FARS2: variants seen among roughly 807,000 people sequenced by gnomAD.
FARS2 encodes the protein phenylalanine--tRNA ligase, mitochondrial.
A neutral mutation model predicts 46.4 loss-of-function variants in FARS2; 40 were observed. The observed-to-expected ratio is 0.86, with a 90% CI of 0.67 to 1.12. FARS2 has a LOEUF of 1.12. FARS2 is among the 50% of genes most tolerant of loss of function. The probability of loss-of-function intolerance (pLI) is 0.00; values close to 1 mark genes in which losing one functional copy is unlikely to be tolerated. For missense variants in FARS2, 513 were observed against 567.9 expected (o/e 0.90, Z 0.98); for synonymous variants, 234 against 214.9 (o/e 1.09, Z -0.78).
chr6:5,458,915 C>G (rs1048423098), intron 4 of FARS2, among the ~76,000 whole-genome samples: 5 of 152,178 alleles, frequency 3.3e-5, no homozygotes, highest in Non-Finnish European at 7.3e-5. Flanking sequence ...CCATTCTACC[C>G]TGAAGATACA....
chr6:5,536,562 A>G (rs1770213848), intron 4 of FARS2, among the ~76,000 whole-genome samples: 1 of 152,192 alleles, frequency 6.6e-6, no homozygotes, highest in African/African-American at 2.4e-5. Flanking sequence ...TAATCCCTTT[A>G]CATTCTCATT....
intron 4 of FARS2, chr6:5,431,748 A>G (rs1295104689): frequency 3.8e-6 from 2 of 521,016 alleles, no homozygotes; most frequent in Non-Finnish European, 7.9e-6. Flanking sequence ...CATTTCAGAA[A>G]GATCTGTCTG....
chr6:5,330,157 G>A (rs1444163168), intron 1 of FARS2, among the ~76,000 whole-genome samples: 1 of 152,154 alleles, frequency 6.6e-6, no homozygotes, highest in Non-Finnish European at 1.5e-5. Flanking sequence ...AACACAGGCT[G>A]CTCCTATTAT....
At chr6:5,602,418 G>A (rs1774573330) in intron 5 of FARS2, among the ~76,000 whole-genome samples, 1 of 152,114 alleles carries the variant, frequency 6.6e-6, no homozygotes, top group Admixed American at 6.5e-5. Context: ...GGAGGCTGAG[G>A]TGGGTGGATC....
At chr6:5,664,666 C>G (rs996379022) in intron 6 of FARS2, among the ~76,000 whole-genome samples, 1 of 152,204 alleles carries the variant, frequency 6.6e-6, no homozygotes, top group Non-Finnish European at 1.5e-5. Flanking sequence ...GTAGACTGGT[C>G]TGTCTCTCTT....
chr6:5,404,726 G>C lies in FARS2; in HGVS notation c.772+25G>C, dbSNP rs114630373. 1.4e-5 allele frequency: 21 copies of C among 1,491,526 alleles called. No homozygotes were observed. The East Asian group carries it at 5.0e-4, about 35-fold the overall frequency. The allele number at this position is 1,491,526 out of a possible 1,614,324, so 92.4% of individuals were successfully genotyped here. On this transcript the variant is annotated intron_variant, in intron 3 of 6. Transcript: ENST00000274680. Reference sequence around the variant, plus strand: ...GGTAAGTGCTCAAACACAGGTTGACGATCTCTTATCTGAAATACTTGGGAC... The same window carrying C: ...GGTAAGTGCTCAAACACAGGTTGACCATCTCTTATCTGAAATACTTGGGAC...
At chr6:5,354,780 T>C (rs553763318) in intron 1 of FARS2, among the ~76,000 whole-genome samples, 19 of 152,252 alleles carry the variant, frequency 1.2e-4, no homozygotes, top group Admixed American at 6.5e-5. Flanking sequence ...CCCAAAGTGC[T>C]GGGATTACAG....
chr6:5,651,633 A>G (rs537747928), intron 6 of FARS2, among the ~76,000 whole-genome samples: 1 of 152,328 alleles, frequency 6.6e-6, no homozygotes, highest in African/African-American at 2.4e-5. Flanking sequence ...GGACACTTCA[A>G]GAGGATTAAG....
At chr6:5,342,194 C>T (rs1420770140) in intron 1 of FARS2, among the ~76,000 whole-genome samples, 1 of 152,136 alleles carries the variant, frequency 6.6e-6, no homozygotes, top group Admixed American at 6.5e-5. Context: ...AGATAGATAT[C>T]CTCAAACTAC....
chr6:5,579,330 G>A (rs554399571), intron 5 of FARS2, among the ~76,000 whole-genome samples: 5 of 152,016 alleles, frequency 3.3e-5, no homozygotes, highest in African/African-American at 1.2e-4. Flanking sequence ...GTGCAATCTC[G>A]GCTCACTACA....
intron 6 of FARS2, among the ~76,000 whole-genome samples, chr6:5,692,853 G>T (rs931492265): frequency 6.6e-6 from 1 of 152,238 alleles, no homozygotes; most frequent in East Asian, 1.9e-4. Flanking sequence ...GGCCAAATCA[G>T]GGGTGCTGTC....
At chr6:5,663,979 G>A (rs1047622689) in intron 6 of FARS2, among the ~76,000 whole-genome samples, 1 of 152,188 alleles carries the variant, frequency 6.6e-6, no homozygotes, top group Non-Finnish European at 1.5e-5. Context: ...CCCCACAGTA[G>A]ATGGCTGTGT....
intron 5 of FARS2, among the ~76,000 whole-genome samples, chr6:5,554,152 C>T (rs902629853): frequency 2.6e-5 from 4 of 152,196 alleles, no homozygotes; most frequent in African/African-American, 9.7e-5. Context: ...GAAACTCCTT[C>T]CTTCCTTTCT....
chr6:5,710,082 C>CAGCA (rs1443074316), intron 6 of FARS2, among the ~76,000 whole-genome samples: 2 of 152,168 alleles, frequency 1.3e-5, no homozygotes, highest in African/African-American at 4.8e-5. Flanking sequence ...TGGGCCTGCC[C>CAGCA]AGCAGCCCTC....
intron 5 of FARS2, among the ~76,000 whole-genome samples, chr6:5,596,822 C>G (rs1774227242): frequency 6.6e-6 from 1 of 152,192 alleles, no homozygotes; most frequent in Non-Finnish European, 1.5e-5. Context: ...TTGGGTTGCA[C>G]TTGGTCTTTT....
At chr6:5,386,980 G>A (rs1449068362) in intron 2 of FARS2, among the ~76,000 whole-genome samples, 1 of 152,162 alleles carries the variant, frequency 6.6e-6, no homozygotes, top group African/African-American at 2.4e-5. Context: ...ACTGTAGAGG[G>A]CTGAAAACGA....
At chr6:5,356,055 T>C (rs2127616035) in intron 1 of FARS2, among the ~76,000 whole-genome samples, 1 of 152,358 alleles carries the variant, frequency 6.6e-6, no homozygotes, top group East Asian at 1.9e-4. Context: ...TGTTCTGCCT[T>C]GTTCAGCTCT....
At chr6:5,607,281 ATGTATGTGTGTGTGTGTGTGTG>A (rs1212820614) in intron 5 of FARS2, among the ~76,000 whole-genome samples, 10 of 147,396 alleles carry the variant, frequency 6.8e-5, no homozygotes, top group South Asian at 2.2e-4. Context: ...AAAGAATAAT[ATGTATGTGTGTGTGTGTGTGTG>A]TGTGTGTGTG....
At chr6:5,417,704 T>A in intron 3 of FARS2, among the ~76,000 whole-genome samples, 1 of 152,232 alleles carries the variant, frequency 6.6e-6, no homozygotes, top group Admixed American at 6.5e-5. Flanking sequence ...TTGATTATGA[T>A]GTACATAGAT....
Sources: allele counts gnomAD v4.1 joint callset (sites outside exome capture counted in the v4.1 genomes callset), GRCh38; gene constraint gnomAD v4.1.1; transcripts MANE v1.5; gene names NCBI Gene and HGNC (gene_info 2026-07-23, HGNC 2026-07-21).